PEX5L: variants seen among roughly 807,000 people sequenced by gnomAD.
PEX5L encodes peroxisomal biogenesis factor 5 like, also known as PEX5-related protein.
A neutral mutation model predicts 84.0 loss-of-function variants in PEX5L; 30 were observed. That is an observed-to-expected ratio of 0.36 (90% CI 0.27 to 0.48). The LOEUF is 0.48. Ranked by LOEUF, PEX5L falls within the 20% of genes least tolerant of loss-of-function variation. The pLI, the probability that PEX5L is intolerant of heterozygous loss-of-function variation, is 0.99. For missense variants in PEX5L, 533 were observed against 754.6 expected, an observed-to-expected ratio of 0.71 and a Z score of 3.44; for synonymous variants, 270 against 283.1, an observed-to-expected ratio of 0.95 and a Z score of 0.46.
At chr3:180,022,480 C>T (rs1790504509) in intron 1 of PEX5L, among the ~76,000 whole-genome samples, 1 of 152,010 alleles carries the variant, frequency 6.6e-6, no homozygotes, top group South Asian at 2.1e-4. Flanking sequence ...CAAGTAAAGT[C>T]TTGTATTTAA....
In PEX5L at chr3:179,795,794, G is replaced by T. The variant is rs1369793447; in HGVS notation, c.*6034C>A. The T allele has an allele frequency of 4.6e-5, 7 of 152,112 alleles. No homozygotes were observed. Among genetic ancestry groups the T allele is most frequent in the Admixed American group, 4.6e-4 (7 of 15,278 alleles). The allele number at this position is 152,112 out of a possible 1,614,324, so 9.4% of individuals were successfully genotyped here. On this transcript the variant is annotated 3_prime_UTR_variant, in exon 15 of 15. Transcript: ENST00000467460. ...TTAGATTAGAGATGCAATATTCATA[G>T]ATATATAAAATATGTAGAAATGTCT...
Position 179,815,946 on chromosome 3 carries a change from C to T in PEX5L, c.998G>A (p.Gly333Asp), listed in dbSNP as rs1725908398. Residue 333 changes from glycine to aspartate, a missense_variant, in exon 10 of 15, where the codon GGC becomes GAC. Around this residue, in one of 8 missense-constraint regions of PEX5L, gnomAD observed 58 missense variants for 56.4 expected, o/e 1.03. Transcript: ENST00000467460. ...FKDWPGAFEE[G>D]LKRLKEGDLP... ...ATCCCCTTCCTTCAGCCTTTTTAAG[C>T]CTTCTTCAAATGCTCCAGGCCAGTC... 1 of 1,614,020 alleles carries T rather than the reference C, an allele frequency of 6.2e-7. No homozygotes were observed. Among genetic ancestry groups the T allele is most frequent in the African/African-American group, 1.3e-5 (1 of 74,924 alleles).
At chr3:179,823,139 C>T (rs772104268) in intron 8 of PEX5L, among the ~76,000 whole-genome samples, 2 of 152,138 alleles carry the variant, frequency 1.3e-5, no homozygotes, top group South Asian at 2.1e-4. Flanking sequence ...ACAAAAATCA[C>T]GCACAATCGC....
At chr3:179,927,279 G>A (rs1486716475) in intron 2 of PEX5L, among the ~76,000 whole-genome samples, 1 of 152,090 alleles carries the variant, frequency 6.6e-6, no homozygotes, top group East Asian at 1.9e-4. Context: ...CTGACTAAGT[G>A]TAGGCTCTCA....
intron 5 of PEX5L, 60 bp from the exon 6 acceptor site, chr3:179,875,537 G>T: frequency 3.4e-6 from 4 of 1,182,238 alleles, no homozygotes; most frequent in Non-Finnish European, 3.7e-6. Flanking sequence ...AGGGGGAGCG[G>T]TGGCGGGGAG....
intron 1 of PEX5L, among the ~76,000 whole-genome samples, chr3:179,984,202 A>G (rs1299812044): frequency 6.6e-6 from 1 of 152,096 alleles, no homozygotes; most frequent in Non-Finnish European, 1.5e-5. Context: ...TATTTGTGTA[A>G]AGATTTTTTT....
chr3:179,899,284 C>T (rs1760450677), intron 2 of PEX5L, among the ~76,000 whole-genome samples: 1 of 152,008 alleles, frequency 6.6e-6, no homozygotes, highest in Non-Finnish European at 1.5e-5. Flanking sequence ...AAAACAAAAA[C>T]TTCAATTTTC....
At chr3:179,881,513 G>A (rs1024657064) in intron 4 of PEX5L, 1 of 152,142 alleles carries the variant, frequency 6.6e-6, no homozygotes, top group Non-Finnish European at 1.5e-5. Flanking sequence ...GGAATTAATT[G>A]TCTTTTAGGG....
At chr3:179,966,799 TTTCTGC>T (rs1783450025) in intron 2 of PEX5L, among the ~76,000 whole-genome samples, 1 of 152,190 alleles carries the variant, frequency 6.6e-6, no homozygotes, top group Admixed American at 6.6e-5. Context: ...TGTCCGTTGC[TTTCTGC>T]TCAGGCTTCC....
chr3:179,839,975 G>A (rs190109484), intron 8 of PEX5L, among the ~76,000 whole-genome samples: 1 of 152,188 alleles, frequency 6.6e-6, no homozygotes, highest in African/African-American at 2.4e-5. Context: ...GGCAGAAGAT[G>A]CAGAGATGAG....
intron 10 of PEX5L, among the ~76,000 whole-genome samples, 187 bp from the exon 11 acceptor site, chr3:179,812,058 ATCCTCTGTC>A (rs1724111594): frequency 3.3e-5 from 5 of 152,136 alleles, no homozygotes; most frequent in Middle Eastern, 3.2e-3. Context: ...CTGGCTCAAG[ATCCTCTGTC>A]ATTATTTCCA....
rs377596010 is a variant in PEX5L, at chr3:180,003,262, T to C, written c.22-31597A>G. 2.8e-3 allele frequency among the ~76,000 whole-genome samples: 431 copies of C among 152,258 alleles called. 1 individual carries two copies. Among genetic ancestry groups the C allele is most frequent in the African/African-American group, 9.6e-3 (398 of 41,572 alleles). ...CCTATCATGTGAAACATGGAAAACA[T>C]CTGGGATTTAATCCATTATTACAAC... On this transcript the variant is annotated intron_variant, in intron 1 of 14. Coordinates refer to ENST00000467460, the MANE Select transcript of PEX5L (RefSeq NM_016559.3).
At chr3:179,813,570 C>G (rs949706867) in intron 10 of PEX5L, among the ~76,000 whole-genome samples, 2 of 152,118 alleles carry the variant, frequency 1.3e-5, no homozygotes, top group Non-Finnish European at 2.9e-5. Flanking sequence ...ACGATCTCGG[C>G]TCACTGCAAC....
At chr3:179,887,822 T>G (rs769920594) in intron 3 of PEX5L, 38 bp from the exon 4 acceptor site, 1 of 1,349,836 alleles carries the variant, frequency 7.4e-7, no homozygotes, top group Non-Finnish European at 1.1e-6. Context: ...AGGGCTTTGT[T>G]AAACTGCAGA....
At chr3:180,009,777 C>T (rs576297285) in intron 1 of PEX5L, among the ~76,000 whole-genome samples, 71 of 151,944 alleles carry the variant, frequency 4.7e-4, no homozygotes, top group Admixed American at 2.6e-3. Context: ...TCCTCTGTCT[C>T]ATCACCAGGA....
At chr3:180,031,628 G>A (rs760009211) in intron 1 of PEX5L, among the ~76,000 whole-genome samples, 14 of 152,262 alleles carry the variant, frequency 9.2e-5, no homozygotes, top group East Asian at 3.9e-4. Context: ...TACATTTAGC[G>A]TTAGAATTGC....
At chr3:179,980,671 T>G (rs948070993) in intron 1 of PEX5L, among the ~76,000 whole-genome samples, 23 of 152,170 alleles carry the variant, frequency 1.5e-4, no homozygotes, top group Admixed American at 9.8e-4. Flanking sequence ...CTACAAGATA[T>G]GTAGGAACAA....
chr3:179,883,341 A>G (rs1359632830), intron 4 of PEX5L, among the ~76,000 whole-genome samples: 1 of 152,202 alleles, frequency 6.6e-6, no homozygotes, highest in African/African-American at 2.4e-5. Context: ...TTTCCAGCTC[A>G]GTTGCTTCTG....
chr3:179,837,963 T>C (rs1735620310), intron 8 of PEX5L, among the ~76,000 whole-genome samples: 1 of 152,090 alleles, frequency 6.6e-6, no homozygotes, highest in Non-Finnish European at 1.5e-5. Context: ...GGCCATAGAG[T>C]AGTCTTCCTG....
Sources: gnomAD v4.1 joint callset for allele counts (sites outside exome capture counted in the v4.1 genomes callset) on GRCh38, gnomAD v4.1.1 for gene constraint, gnomAD v4.1.1 regional missense constraint, MANE v1.5 for transcripts, NCBI Gene and HGNC (gene_info 2026-07-23, HGNC 2026-07-21) for gene names.